Variants in DSCAM observed in about 807,000 individuals in gnomAD.
The protein encoded by DSCAM is cell adhesion molecule DSCAM.
In DSCAM, 47 loss-of-function variants were observed where a neutral mutation model predicts 217.7. That is an observed-to-expected ratio of 0.22 (90% CI 0.17 to 0.28). The LOEUF (loss-of-function observed/expected upper bound fraction) is 0.28. Among genes scored for constraint, DSCAM ranks in the 10% least tolerant of loss-of-function variants. The pLI, the probability that DSCAM is intolerant of heterozygous loss-of-function variation, is 1.00. For missense variants in DSCAM, 2,080 were observed against 2,618.3 expected (o/e 0.79, Z 4.49); for synonymous variants, 1,056 against 1,015.3 (o/e 1.04, Z -0.76).
intron 3 of DSCAM, among the ~76,000 whole-genome samples, chr21:40,677,822 C>A (rs556138345): frequency 6.6e-6 from 1 of 152,172 alleles, no homozygotes; most frequent in Admixed American, 6.5e-5. Context: ...GTCTATGAAC[C>A]AGGAAGAGAA....
At chr21:40,507,684 G>A (rs768316061) in intron 3 of DSCAM, among the ~76,000 whole-genome samples, 4 of 152,128 alleles carry the variant, frequency 2.6e-5, no homozygotes, top group African/African-American at 9.7e-5. Context: ...CAGCTACTCG[G>A]GAGGCTGAGG....
chr21:40,703,977 TTTCA>T (rs1273374033), intron 2 of DSCAM, among the ~76,000 whole-genome samples: 1 of 152,296 alleles, frequency 6.6e-6, no homozygotes, highest in East Asian at 1.9e-4. Flanking sequence ...CTTTAATTTC[TTTCA>T]TTATTATCAT....
At chr21:40,430,272 G>T (rs922348353) in intron 3 of DSCAM, among the ~76,000 whole-genome samples, 4 of 152,220 alleles carry the variant, frequency 2.6e-5, no homozygotes, top group African/African-American at 4.8e-5. Flanking sequence ...AACTTGATTG[G>T]ATTGAAGGAT....
At chr21:40,179,984 G>C (rs1258781024) in intron 14 of DSCAM, among the ~76,000 whole-genome samples, 1 of 152,222 alleles carries the variant, frequency 6.6e-6, no homozygotes, top group Non-Finnish European at 1.5e-5. Context: ...CCTCCTCAGG[G>C]TCTGCCTTGG....
intron 3 of DSCAM, among the ~76,000 whole-genome samples, chr21:40,559,382 C>CG (rs1364713591): frequency 1.3e-5 from 2 of 150,834 alleles, no homozygotes; most frequent in South Asian, 2.1e-4. Context: ...AGCGTAAACC[C>CG]GGGGGGTGGA....
In DSCAM at chr21:40,417,992, G is replaced by A. The variant is rs150096221; in HGVS notation, c.509-48747C>T. ...GCAGCCTCAAACCTAGACCTAGTGC[G>A]TGGATACACCTGCCCTTTCTTCTAT... On this transcript the variant is annotated intron_variant, in intron 3 of 32. Transcript: ENST00000400454. Among the ~76,000 whole-genome samples, 343 of 152,306 alleles carry A rather than the reference G, an allele frequency of 2.3e-3. 1 individual carries two copies. The highest frequency in any genetic ancestry group is 0.01 in the Middle Eastern group (3 of 294).
chr21:40,062,842 A>G (rs771871199), intron 28 of DSCAM, 27 bp downstream of exon 28: 16 of 1,570,748 alleles, frequency 1.0e-5, no homozygotes, highest in Non-Finnish European at 1.4e-5. Context: ...CAAACATGAT[A>G]TCTGGGGTGC....
Position 40,603,315 on chromosome 21 carries a change from T to A in DSCAM, c.508+89495A>T, listed in dbSNP as rs185049308. On this transcript the variant is annotated intron_variant, in intron 3 of 32. Coordinates refer to ENST00000400454, the MANE Select transcript of DSCAM (RefSeq NM_001389.5). The stretch of plus-strand genomic sequence containing the variant: ...GCATTCTGCTGTTGTTCATGAAGTA[T>A]TCTATGAATGTAAATTAGATTCAGT... Among the ~76,000 whole-genome samples, 183 of 152,288 alleles carry A rather than the reference T, an allele frequency of 1.2e-3. 1 individual carries two copies. Among genetic ancestry groups the A allele is most frequent in the Non-Finnish European group, 2.2e-3 (151 of 68,004 alleles).
chr21:40,644,593 C>T (rs1456975552), intron 3 of DSCAM, among the ~76,000 whole-genome samples: 1 of 152,172 alleles, frequency 6.6e-6, no homozygotes, highest in Non-Finnish European at 1.5e-5. Context: ...GTGTGACTAA[C>T]TGGAGGCCTC....
At chr21:40,275,983 G>T (rs370051596) in intron 11 of DSCAM, 114 bp downstream of exon 11, 12 of 1,110,824 alleles carry the variant, frequency 1.1e-5, no homozygotes, top group Non-Finnish European at 1.5e-5. Context: ...TCACACCAAC[G>T]GGTCTTCTTT....
At chr21:40,533,707 A>C (rs1462764241) in intron 3 of DSCAM, among the ~76,000 whole-genome samples, 3 of 146,488 alleles carry the variant, frequency 2.0e-5, no homozygotes, top group Non-Finnish European at 4.5e-5. Flanking sequence ...TCATCCATCC[A>C]TCCATCCACC....
At chr21:40,610,296 C>G (rs956166930) in intron 3 of DSCAM, among the ~76,000 whole-genome samples, 1 of 152,218 alleles carries the variant, frequency 6.6e-6, no homozygotes, top group Admixed American at 6.5e-5. Context: ...ATCTCGGACA[C>G]TGCACCCAGC....
At chr21:40,675,711 A>G (rs1046611917) in intron 3 of DSCAM, among the ~76,000 whole-genome samples, 1 of 152,240 alleles carries the variant, frequency 6.6e-6, no homozygotes, top group Non-Finnish European at 1.5e-5. Context: ...TTTACATCCT[A>G]TATAATAACC....
At chr21:40,539,929 T>C (rs1431063915) in intron 3 of DSCAM, among the ~76,000 whole-genome samples, 1 of 152,248 alleles carries the variant, frequency 6.6e-6, no homozygotes, top group Non-Finnish European at 1.5e-5. Context: ...GTTTCTATTT[T>C]TTCCTAGATG....
chr21:40,364,815 T>A (rs1043814998), intron 4 of DSCAM, among the ~76,000 whole-genome samples: 1 of 148,636 alleles, frequency 6.7e-6, no homozygotes, highest in African/African-American at 2.5e-5. Context: ...AAGGCACATC[T>A]GTTCTCTTAG....
In DSCAM at chr21:40,024,195, T is replaced by G. The variant is rs2088331444; in HGVS notation, c.5687-10809A>C. On this transcript the variant is annotated intron_variant, in intron 32 of 32. Coordinates refer to ENST00000400454, the MANE Select transcript of DSCAM (RefSeq NM_001389.5). ...AGATAGTTGTAGATATGCGGCATTA[T>G]TTCTGAGGGCTCTGTTCTGTTCCAT... 2.4e-5 allele frequency among the ~76,000 whole-genome samples: 2 copies of G among 82,084 alleles called. 1 individual carries two copies. The highest frequency in any genetic ancestry group is 5.4e-5 in the Non-Finnish European group (2 of 37,204). 53.9% of individuals were successfully genotyped at this position (82,084 alleles called of 152,430 possible).
At chr21:40,837,845 A>G (rs527430625) in intron 1 of DSCAM, among the ~76,000 whole-genome samples, 2 of 152,306 alleles carry the variant, frequency 1.3e-5, no homozygotes, top group South Asian at 4.1e-4. Flanking sequence ...CTAAAGTCTC[A>G]CAGGTAATAT....
intron 3 of DSCAM, among the ~76,000 whole-genome samples, chr21:40,686,419 A>C (rs1302177900): frequency 6.6e-6 from 1 of 151,676 alleles, no homozygotes; most frequent in Non-Finnish European, 1.5e-5. Flanking sequence ...GTATGCACAC[A>C]CCACACCAAA....
intron 20 of DSCAM, among the ~76,000 whole-genome samples, chr21:40,116,474 C>T (rs1025370679): frequency 8.6e-5 from 13 of 152,034 alleles, no homozygotes; most frequent in African/African-American, 3.1e-4. Context: ...CAAAGAAACC[C>T]TTCGAGGTTT....
Sources: gnomAD v4.1 joint callset for allele counts (sites outside exome capture counted in the v4.1 genomes callset) on GRCh38, gnomAD v4.1.1 for gene constraint, MANE v1.5 for transcripts, NCBI Gene and HGNC (gene_info 2026-07-23, HGNC 2026-07-21) for gene names.